C10orf90: variants seen among roughly 807,000 people sequenced by gnomAD.
C10orf90 encodes the protein chromosome 10 open reading frame 90.
In C10orf90, 56 loss-of-function variants were observed where a neutral mutation model predicts 62.5. The observed-to-expected ratio is 0.90, with a 90% confidence interval of 0.72 to 1.12. The LOEUF (loss-of-function observed/expected upper bound fraction) is 1.12, where lower values mean the gene tolerates loss of function less well. Ranked by LOEUF, C10orf90 falls within the 50% of genes most tolerant of loss-of-function variation. The probability of loss-of-function intolerance (pLI) is 0.00; values close to 1 mark genes in which losing one functional copy is unlikely to be tolerated. For missense variants in C10orf90, 970 were observed against 880.4 expected, an observed-to-expected ratio of 1.10 and a Z score of -1.29; for synonymous variants, 386 against 340.4, an observed-to-expected ratio of 1.13 and a Z score of -1.47.
chr10:126,476,427 T>G (rs953369762), intron 4 of C10orf90, among the ~76,000 whole-genome samples: 6 of 152,154 alleles, frequency 3.9e-5, no homozygotes, highest in Non-Finnish European at 8.8e-5. Flanking sequence ...ACATGCCACA[T>G]GAAAATAGTC....
In C10orf90 at chr10:126,579,068, T is replaced by C. The variant is rs572804113; in HGVS notation, c.314-65129A>G. ...TAGTGTACTTCAATTAAAAGTTTTT[T>C]TTTAAAAAAAAAAACCTATCAGCTC... On this transcript the variant is annotated intron_variant, in intron 2 of 9. Coordinates refer to ENST00000488181, the MANE Select transcript of C10orf90 (RefSeq NM_001350921.2). Among the ~76,000 whole-genome samples the C allele has an allele frequency of 1.9e-4, 29 of 151,188 alleles. No individual in the cohort carries two copies. The South Asian group carries it at 6.0e-3, about 31-fold the overall frequency.
chr10:126,490,056 TA>T (rs1861668838), intron 4 of C10orf90, among the ~76,000 whole-genome samples: 1 of 80,408 alleles, frequency 1.2e-5, no homozygotes, highest in Non-Finnish European at 2.6e-5. Context: ...TATATTATGT[TA>T]TATAATATAT....
At chr10:126,514,880 G>A (rs550004888) in intron 2 of C10orf90, among the ~76,000 whole-genome samples, 6 of 152,262 alleles carry the variant, frequency 3.9e-5, no homozygotes, top group South Asian at 4.1e-4. Flanking sequence ...GAAGTAGGAA[G>A]CAAGTCCAGG....
chr10:126,494,948 C>T (rs995490748), intron 4 of C10orf90, among the ~76,000 whole-genome samples: 4 of 152,192 alleles, frequency 2.6e-5, no homozygotes. Context: ...CCCCATTACC[C>T]ATGAATAGCT....
At chr10:126,496,834 G>A in intron 4 of C10orf90, 1 of 438,810 alleles carries the variant, frequency 2.3e-6, no homozygotes, top group Non-Finnish European at 3.0e-6. Context: ...CAGCCCACAG[G>A]TCGAGGGCAC....
At chr10:126,451,736 A>G (rs146683575) in intron 7 of C10orf90, among the ~76,000 whole-genome samples, 142 of 152,270 alleles carry the variant, frequency 9.3e-4, no homozygotes, top group African/African-American at 3.1e-3. Context: ...GCAACGGAAT[A>G]CTATACAGTC....
chr10:126,604,787 G>A (rs906337319), intron 2 of C10orf90, among the ~76,000 whole-genome samples: 2 of 152,170 alleles, frequency 1.3e-5, no homozygotes, highest in Non-Finnish European at 2.9e-5. Flanking sequence ...TAGCTACATG[G>A]ATCCATTTTA....
At chr10:126,475,464 A>T (rs1860807318) in intron 4 of C10orf90, among the ~76,000 whole-genome samples, 1 of 152,212 alleles carries the variant, frequency 6.6e-6, no homozygotes, top group Non-Finnish European at 1.5e-5. Context: ...GAATATTGGC[A>T]CATCGACTCA....
chr10:126,617,691 A>G (rs1190271486), intron 2 of C10orf90, among the ~76,000 whole-genome samples: 1 of 152,248 alleles, frequency 6.6e-6, no homozygotes, highest in Non-Finnish European at 1.5e-5. Flanking sequence ...AGGAGCTCTG[A>G]AACGAAAGCC....
At chr10:126,651,251 A>G (rs750739970) in intron 1 of C10orf90, among the ~76,000 whole-genome samples, 6 of 152,168 alleles carry the variant, frequency 3.9e-5, no homozygotes, top group Admixed American at 6.5e-5. Context: ...CCTAATCTGC[A>G]ATGCTAACAT....
Position 126,655,047 on chromosome 10 carries a change from G to A in C10orf90, c.241-8410C>T, listed in dbSNP as rs7087692. 7.3e-3 allele frequency among the ~76,000 whole-genome samples: 1,112 copies of A among 152,218 alleles called. 11 individuals carry two copies. The highest frequency in any genetic ancestry group is 0.025 in the African/African-American group (1,059 of 41,534). ...TTACAATAGTAATATGAGGCCGGGCGCGGTGGCTCACACCTGTAATCCCAG... is the reference window on the plus strand; with the variant it reads ...TTACAATAGTAATATGAGGCCGGGCACGGTGGCTCACACCTGTAATCCCAG... On this transcript the variant is annotated intron_variant, in intron 1 of 9. Transcript: ENST00000488181.
At chr10:126,590,350 C>T (rs2804430) in intron 2 of C10orf90, among the ~76,000 whole-genome samples, 36,006 of 151,970 alleles carry the variant, frequency 0.24, 7,307 homozygotes, top group African/African-American at 0.54. Context: ...CTAATAGATA[C>T]CTGCAGAATT....
rs75036755 is a variant in C10orf90, at chr10:126,603,695, T to A, written c.313+42870A>T. 3.2e-3 allele frequency among the ~76,000 whole-genome samples: 494 copies of A among 152,242 alleles called. 3 individuals are homozygous for A. Among genetic ancestry groups the A allele is most frequent in the African/African-American group, 0.011 (466 of 41,536 alleles). On this transcript the variant is annotated intron_variant, in intron 2 of 9. Coordinates refer to ENST00000488181, the MANE Select transcript of C10orf90 (RefSeq NM_001350921.2). The stretch of plus-strand genomic sequence containing the variant: ...TTGATGTGAAGGCGAAGTGTGATAA[T>A]TCATATAAGGTGCTGAAAACAGCTC...
At chr10:126,445,496 TA>T (rs1858703170) in intron 7 of C10orf90, among the ~76,000 whole-genome samples, 2 of 151,904 alleles carry the variant, frequency 1.3e-5, no homozygotes, top group Non-Finnish European at 2.9e-5. Flanking sequence ...ATGGCCATAA[TA>T]AAAAAATCAA....
intron 2 of C10orf90, among the ~76,000 whole-genome samples, chr10:126,557,673 A>T (rs1245659783): frequency 6.6e-6 from 1 of 152,104 alleles, no homozygotes; most frequent in Admixed American, 6.5e-5. Context: ...TGTACTGTTC[A>T]TACCCTGCTG....
At position 126,430,896 on chromosome 10, in the gene C10orf90, T is replaced by C. The variant is rs183674579; in HGVS notation, c.2189-1046A>G. Among the ~76,000 whole-genome samples the C allele has an allele frequency of 1.3e-3, 193 of 152,314 alleles. 1 individual carries two copies. Among genetic ancestry groups the C allele is most frequent in the African/African-American group, 4.5e-3 (188 of 41,564 alleles). On this transcript the variant is annotated intron_variant, in intron 7 of 9. Coordinates refer to ENST00000488181, the MANE Select transcript of C10orf90 (RefSeq NM_001350921.2). ...GAGAATAGACAGAATTTTCTAGGAA[T>C]ATCTAAGAAGGTAGGATAGAGCCAA...
intron 1 of C10orf90, among the ~76,000 whole-genome samples, chr10:126,656,652 C>G (rs1308131278): frequency 6.6e-6 from 1 of 152,192 alleles, no homozygotes; most frequent in Non-Finnish European, 1.5e-5. Context: ...AACGCTATAG[C>G]TTTAGAGAGC....
intron 2 of C10orf90, among the ~76,000 whole-genome samples, chr10:126,630,634 C>A (rs1484512539): frequency 6.6e-6 from 1 of 152,114 alleles, no homozygotes; most frequent in African/African-American, 2.4e-5. Flanking sequence ...TCTGAAGCCC[C>A]CACAAGCACC....
At chr10:126,439,928 G>A (rs1384411940) in intron 7 of C10orf90, among the ~76,000 whole-genome samples, 1 of 152,146 alleles carries the variant, frequency 6.6e-6, no homozygotes, top group Admixed American at 6.5e-5. Flanking sequence ...CCCCAAGCAG[G>A]CCATTCCTGC....
Sources: gnomAD v4.1 joint callset for allele counts (sites outside exome capture counted in the v4.1 genomes callset) on GRCh38, gnomAD v4.1.1 for gene constraint, MANE v1.5 for transcripts, NCBI Gene and HGNC (gene_info 2026-07-23, HGNC 2026-07-21) for gene names.